Variants in AKAP6 observed in about 807,000 individuals in gnomAD.
AKAP6 encodes the protein A-kinase anchor protein 6.
Under a neutral mutation model 188.5 loss-of-function variants are expected in AKAP6, and 58 were observed. The ratio of observed to expected loss-of-function variants is 0.31; its 90% CI spans 0.25 to 0.38. The LOEUF is 0.38. Among genes scored for constraint, AKAP6 ranks in the 10% least tolerant of loss-of-function variants. The pLI is 1.00. For synonymous variants in AKAP6, 989 were observed against 998.6 expected (o/e 0.99, Z 0.18); for missense variants, 2,710 against 2,740.0 (o/e 0.99, Z 0.24).
intron 1 of AKAP6, among the ~76,000 whole-genome samples, chr14:32,360,712 A>AGTGTGTGTGTGTGTGT (rs35969035): frequency 7.4e-6 from 1 of 136,036 alleles, no homozygotes; most frequent in Non-Finnish European, 1.6e-5. Context: ...TTGGCCATTG[A>AGTGTGTGTGTGTGTGT]GTGTGTGTGT....
At chr14:32,807,521 TA>T (rs1439662015) in intron 12 of AKAP6, among the ~76,000 whole-genome samples, 3 of 152,184 alleles carry the variant, frequency 2.0e-5, no homozygotes, top group Non-Finnish European at 4.4e-5. Flanking sequence ...TTCATGTGAT[TA>T]TCCTAAGTAC....
At chr14:32,493,611 A>G (rs1880155830) in intron 2 of AKAP6, among the ~76,000 whole-genome samples, 1 of 152,176 alleles carries the variant, frequency 6.6e-6, no homozygotes, top group African/African-American at 2.4e-5. Context: ...TGAAGCCTAC[A>G]TGACATCCAT....
chr14:32,473,691 A>C (rs760250414), intron 2 of AKAP6: 10 of 152,240 alleles, frequency 6.6e-5, no homozygotes, highest in Non-Finnish European at 8.8e-5. Context: ...GGGGACTGAC[A>C]TTCTAGTGCT....
intron 1 of AKAP6, among the ~76,000 whole-genome samples, chr14:32,364,776 A>G (rs1341042720): frequency 6.6e-6 from 1 of 152,124 alleles, no homozygotes; most frequent in Non-Finnish European, 1.5e-5. Context: ...CCCAGTTAGG[A>G]AGACTACTTT....
At chr14:32,495,496 C>G (rs1880263618) in intron 2 of AKAP6, 1 of 152,300 alleles carries the variant, frequency 6.6e-6, no homozygotes, top group South Asian at 2.1e-4. Context: ...TCTCAAGCCT[C>G]TCTCCTGCAC....
At chr14:32,414,664 T>G (rs1246389415) in intron 1 of AKAP6, among the ~76,000 whole-genome samples, 1 of 152,218 alleles carries the variant, frequency 6.6e-6, no homozygotes, top group Non-Finnish European at 1.5e-5. Context: ...ATTTTCATTT[T>G]GAACATATAT....
In AKAP6 at chr14:32,478,883, G is replaced by A. The variant is rs189797118; in HGVS notation, c.324+45066G>A. 1.7e-4 allele frequency among the ~76,000 whole-genome samples: 26 copies of A among 152,262 alleles called. No individual in the cohort carries two copies. In the East Asian group the frequency reaches 4.6e-3, roughly 27 times the overall value. ...TGGCCAAGAATTCCTGATTTCTACT[G>A]TGTCCCCCCTTTGACTCAGAATAAA... On this transcript the variant is annotated intron_variant, in intron 2 of 13. Coordinates refer to ENST00000280979, the MANE Select transcript of AKAP6 (RefSeq NM_004274.5).
At chr14:32,454,511 G>T (rs558275925) in intron 2 of AKAP6, among the ~76,000 whole-genome samples, 9 of 152,286 alleles carry the variant, frequency 5.9e-5, no homozygotes, top group African/African-American at 1.7e-4. Context: ...AGTTGGTCTT[G>T]CACTTGCTAA....
chr14:32,336,158 G>T lies in AKAP6; in HGVS notation c.-35+6750G>T, dbSNP rs1214301741. Among the ~76,000 whole-genome samples, 3 of 151,946 alleles carry T rather than the reference G, an allele frequency of 2.0e-5. No individual in the cohort carries two copies. The East Asian group carries it at 5.8e-4, about 29-fold the overall frequency. On this transcript the variant is annotated intron_variant, in intron 1 of 13. Transcript: ENST00000280979. ...TGTTAATCTATTAATCTACAGATTT[G>T]CAGAGAGTTGTTAGAAAATGGGTAT... is the stretch of plus-strand genomic sequence containing the variant.
chr14:32,352,080 TG>T, intron 1 of AKAP6, among the ~76,000 whole-genome samples: 1 of 108,746 alleles, frequency 9.2e-6, no homozygotes, highest in Admixed American at 9.1e-5. Flanking sequence ...CCTGTGTGTG[TG>T]TGTGTGTGTG....
In AKAP6 at chr14:32,678,326, T is replaced by C. The variant is rs746771633; in HGVS notation, c.2746T>C (p.Cys916Arg). Residue 916 changes from cysteine (C) to arginine (R), a missense_variant, in exon 8 of 14, where the codon TGC (cysteine) becomes CGC (arginine). Physicochemically the swap from Cys to Arg is radical, Grantham distance 180 (BLOSUM62 -3). Coordinates refer to ENST00000280979, the MANE Select transcript of AKAP6 (RefSeq NM_004274.5). ...TGSPKAEVQL[C>R]YLEAQRDAVE... ...CTCTTTCCAGGCTGAGGTTCAACTA[T>C]GCTACCTGGAAGCACAAAGAGATGC... 3 of 1,611,976 alleles carry C rather than the reference T, an allele frequency of 1.9e-6. No individual in the cohort carries two copies. Among genetic ancestry groups the C allele is most frequent in the Non-Finnish European group, 8.5e-7 (1 of 1,178,538 alleles).
intron 2 of AKAP6, among the ~76,000 whole-genome samples, chr14:32,528,448 T>C (rs1359143047): frequency 6.6e-6 from 1 of 152,202 alleles, no homozygotes; most frequent in Non-Finnish European, 1.5e-5. Flanking sequence ...TTCTCTATTG[T>C]GTTGCCTTTG....
chr14:32,402,062 T>C (rs1889112380), intron 1 of AKAP6: 1 of 152,176 alleles, frequency 6.6e-6, no homozygotes, highest in Non-Finnish European at 1.5e-5. Flanking sequence ...GGCGGAGGCT[T>C]ATGGGATTGC....
At chr14:32,678,204 A>G in intron 7 of AKAP6, 107 bp from the exon 8 acceptor site, 3 of 1,146,610 alleles carry the variant, frequency 2.6e-6, no homozygotes, top group Non-Finnish European at 3.6e-6. Context: ...CTCGAAAAGG[A>G]GCACTATAAT....
intron 1 of AKAP6, among the ~76,000 whole-genome samples, chr14:32,344,736 C>T (rs528590200): frequency 5.7e-4 from 87 of 151,900 alleles, no homozygotes; most frequent in Non-Finnish European, 8.5e-4. Context: ...GCCAACATGG[C>T]GAAACCCCGT....
intron 1 of AKAP6, among the ~76,000 whole-genome samples, chr14:32,401,493 C>A (rs1889090694): frequency 6.6e-6 from 1 of 152,158 alleles, no homozygotes; most frequent in African/African-American, 2.4e-5. Flanking sequence ...CACAATCTCA[C>A]CCAGCCCTCT....
chr14:32,626,291 G>T (rs1451549973), intron 7 of AKAP6, among the ~76,000 whole-genome samples: 3 of 152,056 alleles, frequency 2.0e-5, no homozygotes, highest in African/African-American at 7.2e-5. Flanking sequence ...CAACCCCAGT[G>T]GTCTTTCATA....
chr14:32,486,044 A>T (rs1165093474), intron 2 of AKAP6, among the ~76,000 whole-genome samples: 1 of 152,156 alleles, frequency 6.6e-6, no homozygotes, highest in Non-Finnish European at 1.5e-5. Flanking sequence ...ATGGCTAGCC[A>T]GTTTTCCCAA....
intron 12 of AKAP6, among the ~76,000 whole-genome samples, chr14:32,785,713 T>G (rs1467060730): frequency 1.0e-5 from 1 of 98,692 alleles, no homozygotes; most frequent in African/African-American, 3.5e-5. Context: ...TTTGCCAGTC[T>G]TTGAAAGATC....
Sources: gnomAD v4.1 joint callset for allele counts (sites outside exome capture counted in the v4.1 genomes callset) on GRCh38, gnomAD v4.1.1 for gene constraint, MANE v1.5 for transcripts, NCBI Gene and HGNC (gene_info 2026-07-23, HGNC 2026-07-21) for gene names.